CUBN: variants seen among roughly 807,000 people sequenced by gnomAD.
CUBN encodes the protein 460 kDa receptor.
CUBN carries 282 observed loss-of-function variants against 405.3 expected under a neutral mutation model. The ratio of observed to expected loss-of-function variants is 0.70; its 90% CI spans 0.63 to 0.77. CUBN has a LOEUF of 0.77. CUBN is among the 30% of genes least tolerant of loss of function. The probability of loss-of-function intolerance (pLI) is 0.00; values close to 1 mark genes in which losing one functional copy is unlikely to be tolerated. For synonymous variants in CUBN, 1,684 were observed against 1,617.0 expected, an observed-to-expected ratio of 1.04 and a Z score of -0.99; for missense variants, 4,514 against 4,475.2, an observed-to-expected ratio of 1.01 and a Z score of -0.25.
At chr10:16,897,155 A>T (rs1479325969) in intron 54 of CUBN, among the ~76,000 whole-genome samples, 2 of 152,218 alleles carry the variant, frequency 1.3e-5, no homozygotes, top group Non-Finnish European at 2.9e-5. Context: ...CACTGTTGAC[A>T]TCACTTGATT....
chr10:17,123,097 T>C (rs1837085247), intron 5 of CUBN, among the ~76,000 whole-genome samples, 199 bp from the exon 6 acceptor site: 2 of 152,226 alleles, frequency 1.3e-5, no homozygotes, highest in South Asian at 4.1e-4. Flanking sequence ...CAAGAGCTCT[T>C]CATAAGATCA....
intron 60 of CUBN, among the ~76,000 whole-genome samples, chr10:16,841,300 A>T (rs1053979686): frequency 6.6e-6 from 1 of 152,114 alleles, no homozygotes; most frequent in African/African-American, 2.4e-5. Flanking sequence ...GTGTTATGAG[A>T]GTCCGCTCAC....
chr10:16,928,582 T>G (rs565155531), intron 40 of CUBN, among the ~76,000 whole-genome samples: 2 of 124,962 alleles, frequency 1.6e-5, no homozygotes, highest in Non-Finnish European at 3.2e-5. Flanking sequence ...CAGGCTGGAG[T>G]GCAGTGGCAC....
intron 31 of CUBN, among the ~76,000 whole-genome samples, chr10:16,967,719 A>AAGGGAG (rs1843430975): frequency 6.6e-6 from 1 of 151,458 alleles, no homozygotes; most frequent in African/African-American, 2.4e-5. Context: ...AAGAGACAAA[A>AAGGGAG]AGGGAGAGGG....
chr10:17,060,906 C>T (rs982922125), intron 22 of CUBN, among the ~76,000 whole-genome samples: 6 of 151,876 alleles, frequency 4.0e-5, no homozygotes, highest in Non-Finnish European at 5.9e-5. Context: ...CAAAATTAGC[C>T]AGGCATGGTG....
At chr10:16,994,371 CTAAGAG>C (rs1833674123) in intron 28 of CUBN, among the ~76,000 whole-genome samples, 3 of 152,150 alleles carry the variant, frequency 2.0e-5, no homozygotes, top group Admixed American at 2.0e-4. Context: ...CTTCAGTTTA[CTAAGAG>C]TAATTTCAAT....
rs556489562 is a variant in CUBN at position 17,063,115 on chromosome 10, C to G, written c.3139+2393G>C. Reference sequence around the variant, plus strand: ...TCAGTCTCCTGACACCAGCCCTTCCCTAAAAAATGCTGCAGGACCCCCCCT... The same window carrying G: ...TCAGTCTCCTGACACCAGCCCTTCCGTAAAAAATGCTGCAGGACCCCCCCT... On this transcript the variant is annotated intron_variant, in intron 22 of 66. Coordinates refer to ENST00000377833, the MANE Select transcript of CUBN (RefSeq NM_001081.4). 5.7e-4 allele frequency among the ~76,000 whole-genome samples: 87 copies of G among 152,248 alleles called. No homozygotes were observed. The South Asian group carries it at 0.017, about 29-fold the overall frequency.
intron 31 of CUBN, among the ~76,000 whole-genome samples, chr10:16,972,318 GCT>G (rs1213758584): frequency 3.3e-5 from 5 of 152,170 alleles, no homozygotes; most frequent in African/African-American, 1.2e-4. Flanking sequence ...TATATGTCTA[GCT>G]CAGATCCTAT....
chr10:17,022,996 T>C (rs542040908), intron 27 of CUBN, among the ~76,000 whole-genome samples: 26 of 152,360 alleles, frequency 1.7e-4, no homozygotes, highest in African/African-American at 5.1e-4. Context: ...TGTTGCGGAA[T>C]TATATTTCAA....
At chr10:16,897,821 G>A (rs952644085) in intron 54 of CUBN, among the ~76,000 whole-genome samples, 1 of 152,222 alleles carries the variant, frequency 6.6e-6, no homozygotes, top group East Asian at 1.9e-4. Flanking sequence ...TTTTGGCAGG[G>A]TTCCTAATAC....
At chr10:16,882,542 G>T (rs1409141387) in intron 56 of CUBN, among the ~76,000 whole-genome samples, 1 of 152,164 alleles carries the variant, frequency 6.6e-6, no homozygotes, top group Non-Finnish European at 1.5e-5. Flanking sequence ...GAAAACTAAG[G>T]ATGAGTAATT....
chr10:16,869,788 C>G lies in CUBN; in HGVS notation c.9302G>C (p.Gly3101Ala). The change falls in exon 59 of 67, where the codon GGT (glycine) becomes GCT (alanine). Residue 3101 changes from glycine to alanine, a missense_variant. Transcript: ENST00000377833. ...AAGAAGGGGATCGCTGGTATTGGCA[C>G]CATCGTAAATTGCCAGGTAGTCATG... ...CSHDYLAIYD[G>A]ANTSDPLLGK... 4.3e-6 allele frequency: 7 copies of G among 1,614,094 alleles called. No homozygotes were observed. The highest frequency in any genetic ancestry group is 5.9e-6 in the Non-Finnish European group (7 of 1,179,986).
intron 55 of CUBN, among the ~76,000 whole-genome samples, chr10:16,889,562 T>C (rs1267976533): frequency 6.6e-6 from 1 of 152,110 alleles, no homozygotes; most frequent in Non-Finnish European, 1.5e-5. Context: ...CCAAAGAAAC[T>C]GGCTCCCAAA....
intron 41 of CUBN, among the ~76,000 whole-genome samples, chr10:16,927,904 T>A (rs1301917868): frequency 6.6e-6 from 1 of 152,124 alleles, no homozygotes. Flanking sequence ...TGGACACACC[T>A]CCTTTGGAGC....
At chr10:16,917,266 T>C (rs1000677318) in intron 45 of CUBN, among the ~76,000 whole-genome samples, 4 of 152,200 alleles carry the variant, frequency 2.6e-5, no homozygotes, top group African/African-American at 4.8e-5. Context: ...GTAATAAACA[T>C]ACTGCATTTC....
rs1377820633 is a variant in CUBN at position 16,840,922 on chromosome 10, C to G, written c.9789G>C (p.Glu3263Asp). Residue 3263 changes from glutamate (E) to aspartate (D), a missense_variant, in exon 61 of 67, where the codon GAG becomes GAC. Physicochemically the swap from Glu to Asp is conservative, Grantham distance 45. Coordinates refer to ENST00000377833, the MANE Select transcript of CUBN (RefSeq NM_001081.4). ...TVQFISDLTL[E>D]REGFNATYTI... ...TGTATGTAGCATTAAATCCTTCCCT[C>G]TCTAATGTTAAGTCACTGATGAATT... The G allele has an allele frequency of 3.1e-6, 5 of 1,613,248 alleles. No individual in the cohort carries two copies. In the East Asian group the frequency reaches 8.9e-5, roughly 29 times the overall value.
At chr10:17,082,319 C>G (rs72775025) in intron 17 of CUBN, among the ~76,000 whole-genome samples, 1 of 152,186 alleles carries the variant, frequency 6.6e-6, no homozygotes. Context: ...GTTAGGTGAA[C>G]TAACTTTAAT....
Position 17,084,278 on chromosome 10 carries a change from T to C in CUBN, c.2294A>G (p.Tyr765Cys), listed in dbSNP as rs759874016. ...TTGAGTAGTGAAAGTTACCTCAATG[T>C]AATTCTGAGAACTGTCACTCTGGCA... ...LQCQSDSSQN[Y>C]IEVRDGETLL... The change falls in exon 17 of 67, where the codon TAC (tyrosine) becomes TGC (cysteine). Residue 765 changes from tyrosine (Y) to cysteine (C), a missense_variant. By Grantham distance (194) the Tyr-to-Cys change is radical (BLOSUM62 -2). This residue lies in a region of CUBN where 1,448 missense variants were observed against 1,388.0 expected (regional missense o/e 1.04). Coordinates refer to ENST00000377833, the MANE Select transcript of CUBN (RefSeq NM_001081.4). 2.5e-6 allele frequency: 4 copies of C among 1,613,980 alleles called. No individual in the cohort carries two copies. Among genetic ancestry groups the C allele is most frequent in the African/African-American group, 1.3e-5 (1 of 75,062 alleles).
At chr10:17,064,734 T>C (rs1476586817) in intron 22 of CUBN, among the ~76,000 whole-genome samples, 1 of 152,192 alleles carries the variant, frequency 6.6e-6, no homozygotes. Flanking sequence ...CATCTCTGGT[T>C]CACATCTTAC....
Sources: allele counts gnomAD v4.1 joint callset (sites outside exome capture counted in the v4.1 genomes callset), GRCh38; gene constraint gnomAD v4.1.1; regional missense constraint gnomAD v4.1.1; transcripts MANE v1.5; gene names NCBI Gene and HGNC (gene_info 2026-07-23, HGNC 2026-07-21).